Variants in OSBP2 observed in about 807,000 individuals in gnomAD.
OSBP2 encodes the protein oxysterol-binding protein 2.
In OSBP2, 66 loss-of-function variants were observed where a neutral mutation model predicts 96.0. That is an observed-to-expected ratio of 0.69 (90% CI 0.56 to 0.84). OSBP2 has a LOEUF of 0.84. Ranked by LOEUF, OSBP2 falls within the 40% of genes least tolerant of loss-of-function variation. The pLI, the probability that OSBP2 is intolerant of heterozygous loss-of-function variation, is 0.00. For synonymous variants in OSBP2, 525 were observed against 520.9 expected (o/e 1.01, Z -0.11); for missense variants, 1,038 against 1,222.7 (o/e 0.85, Z 2.25).
At chr22:30,764,349 A>G (rs182626270) in intron 2 of OSBP2, 1,026 of 985,370 alleles carry the variant, frequency 1.0e-3, no homozygotes, top group Non-Finnish European at 1.2e-3. Context: ...GAATACCTGG[A>G]CAGCCTGCCA....
chr22:30,885,762 G>A (rs192767646), intron 3 of OSBP2, among the ~76,000 whole-genome samples: 266 of 152,358 alleles, frequency 1.7e-3, no homozygotes, highest in Admixed American at 4.0e-3. Context: ...CTACCATAAT[G>A]AGCAACAGCA....
intron 2 of OSBP2, among the ~76,000 whole-genome samples, chr22:30,769,695 T>A (rs1423209916): frequency 6.6e-6 from 1 of 152,058 alleles, no homozygotes; most frequent in East Asian, 1.9e-4. Flanking sequence ...CAAAACAGTC[T>A]AGGTGAGAGG....
chr22:30,731,173 C>CAAAT (rs762030205), intron 1 of OSBP2, among the ~76,000 whole-genome samples: 46 of 151,752 alleles, frequency 3.0e-4, no homozygotes, highest in Non-Finnish European at 4.0e-4. Context: ...GACTCCATCT[C>CAAAT]AAATAAATAA....
chr22:30,833,696 T>C (rs1197246040), intron 2 of OSBP2, among the ~76,000 whole-genome samples: 2 of 152,244 alleles, frequency 1.3e-5, no homozygotes, highest in Non-Finnish European at 2.9e-5. Flanking sequence ...TATCTCATTA[T>C]TGAATGAGTG....
upstream of OSBP2, chr22:30,694,799 C>A: frequency 1.8e-6 from 1 of 557,170 alleles, no homozygotes; most frequent in Non-Finnish European, 2.3e-6. Context: ...CGGAGGAACC[C>A]GCGCGCGCCC....
rs1295972626 is a variant in OSBP2, at chr22:30,859,839, C to T, written c.854-10590C>T. On this transcript the variant is annotated intron_variant, in intron 2 of 13. Transcript: ENST00000332585. ...GTTTAATTTCCCGAGATGTCAGGAC[C>T]CTGGGAGAGCTTTTTTCCTCTCCTT... Among the ~76,000 whole-genome samples the T allele has an allele frequency of 5.3e-5, 8 of 152,176 alleles. No individual in the cohort carries two copies. The South Asian group carries it at 1.2e-3, about 24-fold the overall frequency.
chr22:30,888,127 C>A, intron 4 of OSBP2, 96 bp from the exon 5 acceptor site: 1 of 807,234 alleles, frequency 1.2e-6, no homozygotes, highest in Non-Finnish European at 2.1e-6. Context: ...GGAGTGAGGC[C>A]AGATGGGGGT....
rs537648404 is a variant in OSBP2, at chr22:30,739,730, G to C, written c.645-1431G>C. Among the ~76,000 whole-genome samples the C allele has an allele frequency of 1.6e-3, 240 of 152,296 alleles. 7 individuals are homozygous for C. The highest frequency in any genetic ancestry group is 8.3e-3 in the South Asian group (40 of 4,830). ...ATGAAAACAGGGGAATTGCAATAGA[G>C]AAAGAGTAATTCACACAGAGTCTGC... is the stretch of plus-strand genomic sequence containing the variant. On this transcript the variant is annotated intron_variant, in intron 1 of 13. Transcript: ENST00000332585.
At chr22:30,902,566 G>GC (rs1301734364) in intron 12 of OSBP2, 2 of 1,017,642 alleles carry the variant, frequency 2.0e-6, no homozygotes, top group African/African-American at 1.6e-5. Flanking sequence ...TGGGAAACAG[G>GC]CCCCCAACTG....
chr22:30,790,819 C>T (rs1255176914), intron 2 of OSBP2, among the ~76,000 whole-genome samples: 3 of 152,036 alleles, frequency 2.0e-5, no homozygotes, highest in East Asian at 1.9e-4. Flanking sequence ...TATTCCTTCC[C>T]GTATCTCTAT....
chr22:30,723,836 C>T (rs2089596449), intron 1 of OSBP2, among the ~76,000 whole-genome samples: 1 of 152,164 alleles, frequency 6.6e-6, no homozygotes, highest in Non-Finnish European at 1.5e-5. Context: ...CCCCCGTTAC[C>T]AACATCCCCA....
Position 30,887,600 on chromosome 22 carries a change from T to A in OSBP2, c.1282T>A (p.Ser428Thr), listed in dbSNP as rs1252979779. ...TGCCCCTGGCCGGCCGGCCAACCCC[T>A]CCAAGAGCTTCATTGAGGGTGAGTG... The part of the protein sequence containing the change: ...HSAPGRPANP[S>T]KSFIEGSLLT... The change falls in exon 4 of 14, where the codon TCC (serine) becomes ACC (threonine). Residue 428 changes from serine to threonine, a missense_variant. Ser to Thr is a moderately conservative substitution (Grantham distance 58, BLOSUM62 1). Transcript: ENST00000332585. 1.9e-6 allele frequency: 3 copies of A among 1,603,476 alleles called. No homozygotes were observed. The highest frequency in any genetic ancestry group is 2.6e-6 in the Non-Finnish European group (3 of 1,175,734).
At chr22:30,835,689 A>G (rs931113218) in intron 2 of OSBP2, among the ~76,000 whole-genome samples, 1 of 151,520 alleles carries the variant, frequency 6.6e-6, no homozygotes, top group Non-Finnish European at 1.5e-5. Flanking sequence ...TTCTGTATAC[A>G]TATGTAAATG....
intron 2 of OSBP2, among the ~76,000 whole-genome samples, chr22:30,846,319 G>C (rs901284776): frequency 1.3e-5 from 2 of 151,920 alleles, no homozygotes; most frequent in African/African-American, 4.8e-5. Flanking sequence ...GCCAATTTTT[G>C]TATTTTTAGT....
chr22:30,788,156 C>T (rs757797923), intron 2 of OSBP2, among the ~76,000 whole-genome samples: 1 of 152,122 alleles, frequency 6.6e-6, no homozygotes, highest in Non-Finnish European at 1.5e-5. Flanking sequence ...AGCGCCATAC[C>T]TGGTCCATAT....
At chr22:30,900,519 A>G (rs1237393740) in intron 12 of OSBP2, among the ~76,000 whole-genome samples, 3 of 152,088 alleles carry the variant, frequency 2.0e-5, no homozygotes, top group Non-Finnish European at 4.4e-5. Flanking sequence ...TGAGGAATAA[A>G]GGGCCAAGAC....
At chr22:30,763,694 C>T (rs1009253231) in intron 2 of OSBP2, among the ~76,000 whole-genome samples, 1 of 150,414 alleles carries the variant, frequency 6.6e-6, no homozygotes, top group Admixed American at 6.6e-5. Flanking sequence ...AAATACAAAA[C>T]GAATAATATT....
intron 12 of OSBP2, among the ~76,000 whole-genome samples, chr22:30,899,242 T>C (rs1340784355): frequency 6.6e-6 from 1 of 151,824 alleles, no homozygotes; most frequent in Non-Finnish European, 1.5e-5. Flanking sequence ...TAATTAGCCA[T>C]GTGTAGTCCC....
chr22:30,769,075 G>GT (rs1458487237), intron 2 of OSBP2, among the ~76,000 whole-genome samples: 3 of 152,262 alleles, frequency 2.0e-5, no homozygotes, highest in African/African-American at 7.2e-5. Flanking sequence ...TCATGGAAAG[G>GT]TTGAGGCTGA....
Sources: gnomAD v4.1 joint callset for allele counts (sites outside exome capture counted in the v4.1 genomes callset) on GRCh38, gnomAD v4.1.1 for gene constraint, MANE v1.5 for transcripts, NCBI Gene and HGNC (gene_info 2026-07-23, HGNC 2026-07-21) for gene names.